The following WDR87 variants were observed in gnomAD, a reference collection of about 807,000 sequenced individuals.
WDR87 encodes WD repeat domain 87, also known as WD repeat-containing protein 87.
WDR87 carries 56 observed loss-of-function variants against 83.3 expected under a neutral mutation model. The ratio of observed to expected loss-of-function variants is 0.67; its 90% CI spans 0.54 to 0.84. The LOEUF is 0.84. Ranked by LOEUF, WDR87 falls within the 40% of genes least tolerant of loss-of-function variation. The pLI, the probability that WDR87 is intolerant of heterozygous loss-of-function variation, is 0.00. For missense variants in WDR87, 2,939 were observed against 3,431.9 expected, an observed-to-expected ratio of 0.86 and a Z score of 3.59; for synonymous variants, 1,173 against 1,250.6, an observed-to-expected ratio of 0.94 and a Z score of 1.31.
intron 1 of WDR87, among the ~76,000 whole-genome samples, chr19:37,904,405 C>A (rs1041156799): frequency 1.8e-4 from 27 of 150,154 alleles, no homozygotes; most frequent in African/African-American, 6.4e-4. Context: ...GTCGCCCAGG[C>A]TGGAGTGCAG....
At position 37,892,713 on chromosome 19, in the gene WDR87, G is replaced by A. The variant is rs2046216562; in HGVS notation, c.2990C>T (p.Pro997Leu). Reference sequence around the variant, plus strand: ...CTTGTCCATTAATCCTTGAGCCAGAGGCATGGCAAAAAGATGAGTAATCAT... The same window carrying A: ...CTTGTCCATTAATCCTTGAGCCAGAAGCATGGCAAAAAGATGAGTAATCAT... ...LGMITHLFAM[P>L]LAQGLMDKDE... The change falls in exon 4 of 6, where the codon CCT becomes CTT. Residue 997 changes from proline to leucine, a missense_variant. Transcript: ENST00000447313. 6.4e-6 allele frequency: 10 copies of A among 1,551,784 alleles called. No individual in the cohort carries two copies. Among genetic ancestry groups the A allele is most frequent in the Non-Finnish European group, 8.7e-6 (10 of 1,147,040 alleles).
At position 37,893,194 on chromosome 19, in the gene WDR87, C is replaced by G; in HGVS notation, c.2509G>C (p.Gly837Arg). 1 of 1,551,876 alleles carries G rather than the reference C, an allele frequency of 6.4e-7. No individual in the cohort carries two copies. The highest frequency in any genetic ancestry group is 8.7e-7 in the Non-Finnish European group (1 of 1,147,016). ...SVIRARLWPEGTPIYLQCNLH... is the reference protein window; with the variant it reads ...SVIRARLWPERTPIYLQCNLH... ...TTGCACTGTAGGTATATTGGGGTGC[C>G]CTCTGGCCAAAGACGGGCACGAATC... Residue 837 changes from glycine (G) to arginine (R), a missense_variant, in exon 4 of 6, where the codon GGC becomes CGC. Gly to Arg is a moderately radical substitution (Grantham distance 125). Coordinates refer to ENST00000447313, the MANE Select transcript of WDR87 (RefSeq NM_001291088.2).
In WDR87 at chr19:37,886,051, C is replaced by T; in HGVS notation, c.7620G>A (p.Gln2540=). 1.3e-6 allele frequency: 2 copies of T among 1,551,720 alleles called. No homozygotes were observed. The highest frequency in any genetic ancestry group is 1.7e-6 in the Non-Finnish European group (2 of 1,147,004). The change falls in exon 6 of 6, where the codon CAG becomes CAA. Residue 2540 remains glutamine (Q), a synonymous_variant. Coordinates refer to ENST00000447313, the MANE Select transcript of WDR87 (RefSeq NM_001291088.2). ...GGGAGAGAGGTAACTGTACCTCAGT[C>T]TGTCCCATCAGAGGTGGATGCTGCA... ...WFLQHPPLMG[Q]TEVQLPLSQI...
chr19:37,888,519 G>C lies in WDR87; in HGVS notation c.5152C>G (p.Leu1718Val). The change falls in exon 6 of 6, where the codon CTA becomes GTA. Residue 1718 changes from leucine to valine, a missense_variant. This residue lies in a region of WDR87 where 2,160 missense variants were observed against 2,533.1 expected (regional missense o/e 0.85). Coordinates refer to ENST00000447313, the MANE Select transcript of WDR87 (RefSeq NM_001291088.2). The part of the protein sequence containing the change: ...WEKVAREEEK[L>V]AKKGGKLAEV... ...GCCAGTTTCCCTCCTTTCTTTGCTA[G>C]TTTCTCTTCTTCTCTAGCCACTTTC... 6.4e-7 allele frequency: 1 copy of C among 1,551,538 alleles called. No homozygotes were observed. The highest frequency in any genetic ancestry group is 8.7e-7 in the Non-Finnish European group (1 of 1,146,968).
chr19:37,892,841 G>A lies in WDR87; in HGVS notation c.2862C>T (p.Ser954=). The stretch of plus-strand genomic sequence containing the variant: ...GGGCTGTCTCAGAGCGTAGGGCTGG[G>A]GACACCTGGTAAGAGGCAAAGATTT... ...LGQIFASYQV[S]PALRSETARR... is the part of the protein sequence containing the mutation. The change falls in exon 4 of 6, where the codon TCC becomes TCT. Residue 954 remains serine, a synonymous_variant. Transcript: ENST00000447313. The A allele has an allele frequency of 6.4e-7, 1 of 1,551,790 alleles. No individual in the cohort carries two copies. Among genetic ancestry groups the A allele is most frequent in the Non-Finnish European group, 8.7e-7 (1 of 1,147,012 alleles).
chr19:37,885,648 C>T lies in WDR87; in HGVS notation c.8023G>A (p.Ala2675Thr). 6.4e-7 allele frequency: 1 copy of T among 1,551,766 alleles called. No homozygotes were observed. The highest frequency in any genetic ancestry group is 8.7e-7 in the Non-Finnish European group (1 of 1,147,010). Residue 2675 changes from alanine (A) to threonine (T), a missense_variant, in exon 6 of 6, where the codon GCT (alanine) becomes ACT (threonine). Physicochemically the swap from Ala to Thr is moderately conservative, Grantham distance 58 (BLOSUM62 0). Transcript: ENST00000447313. ...TCTCCTAGAAGATGCCAATTTTTAG[C>T]CCTTGGGTCTGGAATCCTCTTGGTA... ...LATKRIPDPR[A>T]KNWHLLGEPY...
At position 37,894,256 on chromosome 19, in the gene WDR87, T is replaced by C. The variant is rs933393575; in HGVS notation, c.1447A>G (p.Ser483Gly). The change falls in exon 4 of 6, where the codon AGT (serine) becomes GGT (glycine). Residue 483 changes from serine (S) to glycine (G), a missense_variant. By Grantham distance (56) the Ser-to-Gly change is moderately conservative. Around this residue, in one of 3 missense-constraint regions of WDR87, gnomAD observed 553 missense variants for 577.9 expected, o/e 0.96. Coordinates refer to ENST00000447313, the MANE Select transcript of WDR87 (RefSeq NM_001291088.2). ...TGGGAGAGCACTCTTATCACACCAC[T>C]CTGGTGCCCAGAGAATATCAGTCCC... The part of the protein sequence containing the change: ...LEGLIFSGHQ[S>G]GVIRVLSQHS... 2 of 1,551,678 alleles carry C rather than the reference T, an allele frequency of 1.3e-6. No homozygotes were observed. The highest frequency in any genetic ancestry group is 2.4e-5 in the East Asian group (1 of 40,936).
chr19:37,897,349 C>T (rs989304737), intron 2 of WDR87, among the ~76,000 whole-genome samples: 2 of 151,512 alleles, frequency 1.3e-5, no homozygotes, highest in Non-Finnish European at 2.9e-5. Context: ...GCTGAAACTA[C>T]AGGCACGGGC....
Position 37,894,502 on chromosome 19 carries a change from C to A in WDR87, c.1201G>T (p.Val401Phe). The A allele has an allele frequency of 6.4e-7, 1 of 1,551,706 alleles. No homozygotes were observed. Among genetic ancestry groups the A allele is most frequent in the Non-Finnish European group, 8.7e-7 (1 of 1,147,002 alleles). ...AGGATTGAGAAGGGCCAGGTGATAA[C>A]CAGAAGGTCCCCTGTTACTGGGGAC... ...FVSPVTGDLL[V>F]ITWPFSILDQ... The change falls in exon 4 of 6, where the codon GTT becomes TTT. Residue 401 changes from valine to phenylalanine, a missense_variant. By Grantham distance (50) the Val-to-Phe change is conservative. Transcript: ENST00000447313.
At chr19:37,896,088 G>C (rs757915563) in intron 3 of WDR87, 50 bp downstream of exon 3, 62 of 1,545,964 alleles carry the variant, frequency 4.0e-5, no homozygotes, top group African/African-American at 2.5e-4. Context: ...CAGTTATATG[G>C]GCATGGCTCT....
rs746433509 is a variant in WDR87, at chr19:37,889,158, C to T, written c.4513G>A (p.Glu1505Lys). The T allele has an allele frequency of 6.4e-7, 1 of 1,552,334 alleles. No homozygotes were observed. The highest frequency in any genetic ancestry group is 1.2e-5 in the South Asian group (1 of 84,064). ...GTCTCACCATGGACCTGTTTCCACT[C>T]ATCCCAGGCCTTTTTCCAGTCCTGC... ...SWQDWKKAWD[E>K]WKQVHGETRK... The change falls in exon 6 of 6, where the codon GAG becomes AAG. Residue 1505 changes from glutamate (E) to lysine (K), a missense_variant. Physicochemically the swap from Glu to Lys is moderately conservative, Grantham distance 56 (BLOSUM62 1). Around this residue, in one of 3 missense-constraint regions of WDR87, gnomAD observed 2,160 missense variants for 2,533.1 expected, o/e 0.85. Coordinates refer to ENST00000447313, the MANE Select transcript of WDR87 (RefSeq NM_001291088.2).
intron 1 of WDR87, among the ~76,000 whole-genome samples, chr19:37,906,255 T>G (rs2046327794): frequency 6.6e-6 from 1 of 152,114 alleles, no homozygotes; most frequent in Non-Finnish European, 1.5e-5. Flanking sequence ...GGACAAAATT[T>G]CCCAAGGTGT....
At chr19:37,903,541 ATTTAT>A in intron 1 of WDR87, among the ~76,000 whole-genome samples, 1 of 152,056 alleles carries the variant, frequency 6.6e-6, no homozygotes, top group African/African-American at 2.4e-5. Context: ...TTTAATTCTT[ATTTAT>A]TTTGAGACAG....
In WDR87 at chr19:37,893,105, G is replaced by C. The variant is rs1488205888; in HGVS notation, c.2598C>G (p.Ser866Arg). Residue 866 changes from serine to arginine, a missense_variant, in exon 4 of 6, where the codon AGC (serine) becomes AGG (arginine). By Grantham distance (110) the Ser-to-Arg change is moderately radical. Around this residue, in one of 3 missense-constraint regions of WDR87, gnomAD observed 2,160 missense variants for 2,533.1 expected, o/e 0.85. Transcript: ENST00000447313. ...CTGTATTACTTATAGCTCTTACCCTGCTGTGCCAGAAAAAGAATTCTTGAG... is the reference window on the plus strand; with the variant it reads ...CTGTATTACTTATAGCTCTTACCCTCCTGTGCCAGAAAAAGAATTCTTGAG... ...DRSQEFFFWHSRVRAISNTEY... is the reference protein window; with the variant it reads ...DRSQEFFFWHRRVRAISNTEY... 3 of 1,551,636 alleles carry C rather than the reference G, an allele frequency of 1.9e-6. No individual in the cohort carries two copies. Among genetic ancestry groups the C allele is most frequent in the South Asian group, 1.2e-5 (1 of 84,070 alleles).
At chr19:37,890,391 G>T in intron 5 of WDR87, 115 bp from the exon 6 acceptor site, 1 of 1,248,084 alleles carries the variant, frequency 8.0e-7, no homozygotes, top group Admixed American at 3.8e-5. Context: ...ACAACAGAGA[G>T]AACTGAGGCC....
rs532766383 is a variant in WDR87, at chr19:37,885,640, A to G, written c.8031T>C (p.Asn2677=). 1.9e-6 allele frequency: 3 copies of G among 1,551,622 alleles called. No homozygotes were observed. Among genetic ancestry groups the G allele is most frequent in the Non-Finnish European group, 1.7e-6 (2 of 1,147,010 alleles). ...TGTAAGGTTCTCCTAGAAGATGCCA[A>G]TTTTTAGCCCTTGGGTCTGGAATCC... The part of the protein sequence containing the change: ...TKRIPDPRAK[N]WHLLGEPYRS... Residue 2677 remains asparagine, a synonymous_variant, in exon 6 of 6, where the codon AAT becomes AAC. Transcript: ENST00000447313.
At chr19:37,905,185 T>C (rs1044887006) in intron 1 of WDR87, among the ~76,000 whole-genome samples, 3 of 138,156 alleles carry the variant, frequency 2.2e-5, no homozygotes, top group Non-Finnish European at 1.5e-5. Context: ...GGAGCCGAGG[T>C]GGCGCCACTG....
In WDR87 at chr19:37,895,305, A is replaced by G. The variant is rs774388556; in HGVS notation, c.398T>C (p.Phe133Ser). 12 of 1,551,610 alleles carry G rather than the reference A, an allele frequency of 7.7e-6. No individual in the cohort carries two copies. The highest frequency in any genetic ancestry group is 5.9e-5 in the South Asian group (5 of 84,066). Residue 133 changes from phenylalanine (F) to serine (S), a missense_variant, in exon 4 of 6, where the codon TTT becomes TCT. By Grantham distance (155) the Phe-to-Ser change is radical. Transcript: ENST00000447313. ...TTTGAATGCCCGAAAGTGGTCCCCA[A>G]AGAGTCGCAGGATCAGGTCACCACA... Reference protein sequence around the residue: ...VYCGDLILRLFGDHFRAFKPL... With the variant: ...VYCGDLILRLSGDHFRAFKPL...
Position 37,886,473 on chromosome 19 carries a change from T to C in WDR87, c.7198A>G (p.Arg2400Gly), listed in dbSNP as rs951031722. 1 of 1,523,192 alleles carries C rather than the reference T, an allele frequency of 6.6e-7. No homozygotes were observed. The highest frequency in any genetic ancestry group is 1.7e-4 in the Middle Eastern group (1 of 5,820). 94.4% of individuals were successfully genotyped at this position (1,523,192 alleles called of 1,614,324 possible). ...ATGGAAAGGACTCTTTCCCTTCCTC[T>C]TAGGCTCTTTCTTCTTTGTTCTTGT... ...KLQEQRRKSLRGRERVLSILR... is the reference protein window; with the variant it reads ...KLQEQRRKSLGGRERVLSILR... Residue 2400 changes from arginine (R) to glycine (G), a missense_variant, in exon 6 of 6, where the codon AGA (arginine) becomes GGA (glycine). Around this residue, in one of 3 missense-constraint regions of WDR87, gnomAD observed 2,160 missense variants for 2,533.1 expected, o/e 0.85. Transcript: ENST00000447313.
Sources: gnomAD v4.1 joint callset for allele counts (sites outside exome capture counted in the v4.1 genomes callset) on GRCh38, gnomAD v4.1.1 for gene constraint, gnomAD v4.1.1 regional missense constraint, MANE v1.5 for transcripts, NCBI Gene and HGNC (gene_info 2026-07-23, HGNC 2026-07-21) for gene names.